PLXNA4: variants seen among roughly 807,000 people sequenced by gnomAD.
PLXNA4 encodes plexin-A4.
A neutral mutation model predicts 191.8 loss-of-function variants in PLXNA4; 44 were observed. The ratio of observed to expected loss-of-function variants is 0.23; its 90% CI spans 0.18 to 0.29. PLXNA4 has a LOEUF of 0.29. PLXNA4 is among the 10% of genes least tolerant of loss of function. The probability of loss-of-function intolerance (pLI) is 1.00; values close to 1 mark genes in which losing one functional copy is unlikely to be tolerated. For synonymous variants in PLXNA4, 1,082 were observed against 1,009.5 expected (o/e 1.07, Z -1.36); for missense variants, 1,800 against 2,488.8 (o/e 0.72, Z 5.89).
chr7:132,197,965 C>G (rs574514469), intron 13 of PLXNA4, among the ~76,000 whole-genome samples: 1 of 152,288 alleles, frequency 6.6e-6, no homozygotes, highest in South Asian at 2.1e-4. Context: ...CACAAACCTC[C>G]TCTACTAGGT....
At chr7:132,150,017 G>A (rs537063988) in intron 25 of PLXNA4, among the ~76,000 whole-genome samples, 1 of 152,148 alleles carries the variant, frequency 6.6e-6, no homozygotes, top group African/African-American at 2.4e-5. Flanking sequence ...CCAGTCCCTG[G>A]GGCTTCCCTG....
intron 2 of PLXNA4, among the ~76,000 whole-genome samples, chr7:132,615,571 T>C (rs1027766280): frequency 1.3e-5 from 2 of 152,146 alleles, no homozygotes; most frequent in Non-Finnish European, 2.9e-5. Flanking sequence ...CTGACACTTT[T>C]TCTCCTTCCT....
In PLXNA4 at chr7:132,636,311, G is replaced by C. The variant is rs1252049954; in HGVS notation, c.-87+9617C>G. Among the ~76,000 whole-genome samples the C allele has an allele frequency of 3.9e-5, 6 of 152,226 alleles. No homozygotes were observed. In the South Asian group the frequency reaches 1.0e-3, roughly 26 times the overall value. On this transcript the variant is annotated intron_variant, in intron 2 of 4. Transcript: ENST00000378539. Reference sequence around the variant, plus strand: ...AAGAAACCAGGCAGAGGGCAGAGGAGAGAAGGGGCTACCCCAAGTCAAGGA... The same window carrying C: ...AAGAAACCAGGCAGAGGGCAGAGGACAGAAGGGGCTACCCCAAGTCAAGGA...
intron 4 of PLXNA4, among the ~76,000 whole-genome samples, chr7:132,252,394 C>T (rs1799287052): frequency 6.8e-6 from 1 of 146,288 alleles, no homozygotes; most frequent in African/African-American, 2.5e-5. Flanking sequence ...TCACTGCAGC[C>T]TCTGCCTCCT....
At chr7:132,526,762 C>T (rs1799417265) in intron 1 of PLXNA4, among the ~76,000 whole-genome samples, 1 of 152,162 alleles carries the variant, frequency 6.6e-6, no homozygotes, top group Admixed American at 6.5e-5. Context: ...AGGTGGCTCT[C>T]AAATAGGTCA....
At chr7:132,337,685 G>C (rs1442594700) in intron 3 of PLXNA4, among the ~76,000 whole-genome samples, 1 of 152,172 alleles carries the variant, frequency 6.6e-6, no homozygotes, top group Non-Finnish European at 1.5e-5. Context: ...GTTTTGGCAG[G>C]CTTGGCTTTG....
intron 3 of PLXNA4, among the ~76,000 whole-genome samples, chr7:132,357,824 G>T (rs1292390011): frequency 6.6e-6 from 1 of 152,180 alleles, no homozygotes; most frequent in African/African-American, 2.4e-5. Context: ...TTATAGATTT[G>T]TGCGTACACC....
chr7:132,538,428 G>A (rs1013207771), intron 1 of PLXNA4, among the ~76,000 whole-genome samples: 26 of 152,194 alleles, frequency 1.7e-4, no homozygotes, highest in South Asian at 6.2e-4. Context: ...TGTCCCCACC[G>A]TCAGGAATTC....
chr7:132,595,466 G>C (rs56698816), intron 2 of PLXNA4, among the ~76,000 whole-genome samples: 12,571 of 152,174 alleles, frequency 0.083, 1,157 homozygotes, highest in African/African-American at 0.22. Context: ...AATTCTGTGC[G>C]CATAAGTTTT....
At chr7:132,585,877 G>C (rs952263409) in intron 2 of PLXNA4, among the ~76,000 whole-genome samples, 1 of 152,194 alleles carries the variant, frequency 6.6e-6, no homozygotes, top group African/African-American at 2.4e-5. Context: ...CCCAACTTGG[G>C]GGGTTAGTGC....
intron 3 of PLXNA4, among the ~76,000 whole-genome samples, chr7:132,474,680 G>A (rs1263351611): frequency 1.3e-5 from 2 of 152,118 alleles, no homozygotes; most frequent in African/African-American, 2.4e-5. Flanking sequence ...TATCAGAACT[G>A]GTTAGTGCAT....
At chr7:132,207,807 T>C (rs1405408741) in intron 10 of PLXNA4, among the ~76,000 whole-genome samples, 1 of 152,244 alleles carries the variant, frequency 6.6e-6, no homozygotes, top group Non-Finnish European at 1.5e-5. Context: ...TTCCACACAA[T>C]CCTCTTTGAG....
chr7:132,563,323 TCTC>T (rs1229972199), intron 1 of PLXNA4, among the ~76,000 whole-genome samples: 11 of 30,046 alleles, frequency 3.7e-4, no homozygotes, highest in Non-Finnish European at 5.0e-4. Context: ...TCTTCCTCCT[TCTC>T]CTCCTCCTCC....
intron 4 of PLXNA4, among the ~76,000 whole-genome samples, chr7:132,272,354 A>T (rs1484553822): frequency 6.6e-6 from 1 of 152,254 alleles, no homozygotes; most frequent in African/African-American, 2.4e-5. Flanking sequence ...TCTCATCTGT[A>T]AAATGGAAAC....
intron 9 of PLXNA4, among the ~76,000 whole-genome samples, chr7:132,212,589 A>G (rs1267861975): frequency 6.6e-6 from 1 of 152,216 alleles, no homozygotes; most frequent in African/African-American, 2.4e-5. Context: ...TTAACTCATC[A>G]TGATTCCATG....
chr7:132,141,554 A>G (rs1220244145), intron 29 of PLXNA4, among the ~76,000 whole-genome samples: 1 of 152,144 alleles, frequency 6.6e-6, no homozygotes, highest in Non-Finnish European at 1.5e-5. Context: ...AAAGGCAGAC[A>G]TGAAATCAAC....
intron 3 of PLXNA4, among the ~76,000 whole-genome samples, chr7:132,452,292 C>G (rs1426491): frequency 0.87 from 131,714 of 152,216 alleles, 57,805 homozygotes; most frequent in East Asian, 1. Context: ...GAAGAGACAG[C>G]AATAAAAGGC....
intron 3 of PLXNA4, among the ~76,000 whole-genome samples, chr7:132,428,045 C>T (rs750980740): frequency 4.6e-5 from 7 of 152,138 alleles, no homozygotes; most frequent in Non-Finnish European, 7.4e-5. Context: ...GGGAGGACAT[C>T]GGCACAGACA....
intron 24 of PLXNA4, 152 bp downstream of exon 24, chr7:132,163,990 G>T: frequency 7.9e-7 from 1 of 1,272,616 alleles, no homozygotes. Context: ...TGGGGTGATG[G>T]ACACAGCGGG....
Sources: gnomAD v4.1 joint callset for allele counts (sites outside exome capture counted in the v4.1 genomes callset) on GRCh38, gnomAD v4.1.1 for gene constraint, MANE v1.5 for transcripts, NCBI Gene and HGNC (gene_info 2026-07-23, HGNC 2026-07-21) for gene names.